WDFY3: variants seen among roughly 807,000 people sequenced by gnomAD.
WDFY3 encodes WD repeat and FYVE domain containing 3.
WDFY3 carries 66 observed loss-of-function variants against 409.6 expected under a neutral mutation model. The ratio of observed to expected loss-of-function variants is 0.16; its 90% CI spans 0.13 to 0.20. The LOEUF (loss-of-function observed/expected upper bound fraction) is 0.20. Ranked by LOEUF, WDFY3 falls within the 10% of genes least tolerant of loss-of-function variation. The probability of loss-of-function intolerance (pLI) is 1.00; values close to 1 mark genes in which losing one functional copy is unlikely to be tolerated. For missense variants in WDFY3, 3,031 were observed against 4,298.1 expected (o/e 0.71, Z 8.24); for synonymous variants, 1,521 against 1,537.1 (o/e 0.99, Z 0.25).
intron 2 of WDFY3, among the ~76,000 whole-genome samples, chr4:84,907,577 G>A (rs182023530): frequency 3.3e-4 from 51 of 152,282 alleles, no homozygotes; most frequent in African/African-American, 1.2e-3. Context: ...ACAACCTTAT[G>A]AGAAATCCTA....
At chr4:84,893,744 TG>T (rs1765232843) in intron 3 of WDFY3, among the ~76,000 whole-genome samples, 3 of 152,160 alleles carry the variant, frequency 2.0e-5, no homozygotes, top group Non-Finnish European at 4.4e-5. Flanking sequence ...TCCAAAACTT[TG>T]GGAGGCTGAG....
intron 36 of WDFY3, 153 bp downstream of exon 36, chr4:84,751,330 G>A (rs1740480132): frequency 2.7e-6 from 2 of 738,442 alleles, no homozygotes; most frequent in South Asian, 1.8e-5. Context: ...TAAAGCACAT[G>A]TGGGATTAAG....
chr4:84,724,391 A>G (rs777796482), intron 46 of WDFY3, 35 bp downstream of exon 46: 8 of 1,567,986 alleles, frequency 5.1e-6, no homozygotes, highest in Non-Finnish European at 6.9e-6. Context: ...ATGTTCCAAA[A>G]TCACTTTTAA....
rs139758320 is a variant in WDFY3 at position 84,737,251 on chromosome 4, G to C, written c.6690C>G (p.His2230Gln). 6.2e-7 allele frequency: 1 copy of C among 1,613,944 alleles called. No homozygotes were observed. Among genetic ancestry groups the C allele is most frequent in the African/African-American group, 1.3e-5 (1 of 74,886 alleles). Residue 2230 changes from histidine to glutamine, a missense_variant, in exon 41 of 68, where the codon CAC becomes CAG. By Grantham distance (24) the His-to-Gln change is conservative. Coordinates refer to ENST00000295888, the MANE Select transcript of WDFY3 (RefSeq NM_014991.6). ...GTGGCCTTGCTGTAGCTATGTCCAC[G>C]TGGCCCCTTTCATTCACAGGTAGAG... ...KVTLPVNERG[H>Q]VDIATARPLI...
chr4:84,793,197 G>T (rs1022702011), intron 21 of WDFY3, among the ~76,000 whole-genome samples: 1 of 152,138 alleles, frequency 6.6e-6, no homozygotes, highest in Non-Finnish European at 1.5e-5. Context: ...GTTTTTGTTT[G>T]AAACTGGGTG....
chr4:84,746,672 G>C (rs1326240587), intron 36 of WDFY3, among the ~76,000 whole-genome samples: 1 of 151,404 alleles, frequency 6.6e-6, no homozygotes, highest in African/African-American at 2.4e-5. Context: ...AACTTTTCAA[G>C]GACTTAACAT....
chr4:84,739,071 C>T lies in WDFY3; in HGVS notation c.6513G>A (p.Trp2171Ter). Residue 2171 changes from tryptophan (W) to a stop codon, truncating the protein, a stop_gained, in exon 40 of 68, where the codon TGG (tryptophan) becomes TGA (stop). Coordinates refer to ENST00000295888, the MANE Select transcript of WDFY3 (RefSeq NM_014991.6). LOFTEE classifies it high-confidence loss of function. The part of the protein sequence containing the change: ...GLEAEARMTT[W>*]HIMIPSDIEP... ...CAATGTCCGAGGGGATCATAATGTG[C>T]CATGTGGTCATGCGGGCTTCTGCTT... 6.2e-7 allele frequency: 1 copy of T among 1,614,130 alleles called. No individual in the cohort carries two copies. Among genetic ancestry groups the T allele is most frequent in the Non-Finnish European group, 8.5e-7 (1 of 1,179,978 alleles).
chr4:84,847,773 CA>C (rs1202619194), intron 5 of WDFY3, among the ~76,000 whole-genome samples: 133 of 31,590 alleles, frequency 4.2e-3, no homozygotes, highest in South Asian at 0.033. Flanking sequence ...GACTCCGTCC[CA>C]AAAAAAAAAA....
intron 1 of WDFY3, among the ~76,000 whole-genome samples, chr4:84,940,367 T>C (rs1374556757): frequency 6.6e-5 from 10 of 152,128 alleles, no homozygotes; most frequent in African/African-American, 2.4e-4. Context: ...TTAAAATACA[T>C]TCAGGTTCAT....
At chr4:84,909,674 A>G (rs1248634593) in intron 2 of WDFY3, among the ~76,000 whole-genome samples, 15 of 152,080 alleles carry the variant, frequency 9.9e-5, no homozygotes, top group Non-Finnish European at 7.4e-5. Flanking sequence ...ATTTTCAGTA[A>G]GTAGATAGCT....
At chr4:84,841,384 A>G (rs924455533) in intron 5 of WDFY3, 121 bp from the exon 6 acceptor site, 2 of 756,516 alleles carry the variant, frequency 2.6e-6, no homozygotes, top group Admixed American at 6.6e-5. Context: ...GCACTATTAC[A>G]TATAGAAAAA....
intron 65 of WDFY3, 27 bp from the exon 66 acceptor site, chr4:84,678,306 C>G: frequency 6.4e-7 from 1 of 1,555,576 alleles, no homozygotes; most frequent in Non-Finnish European, 8.9e-7. Flanking sequence ...GAGGACACAA[C>G]ATAACTCAAC....
intron 58 of WDFY3, among the ~76,000 whole-genome samples, chr4:84,694,529 A>C (rs1729788528): frequency 6.6e-6 from 1 of 152,244 alleles, no homozygotes; most frequent in Non-Finnish European, 1.5e-5. Context: ...AGGGTATGAA[A>C]GATGGCTCCA....
At chr4:84,710,783 TTTAAGA>T (rs1160115915) in intron 51 of WDFY3, among the ~76,000 whole-genome samples, 2 of 152,160 alleles carry the variant, frequency 1.3e-5, no homozygotes, top group South Asian at 2.1e-4. Context: ...AAATAGCAAG[TTTAAGA>T]TTATCTAGGA....
intron 4 of WDFY3, among the ~76,000 whole-genome samples, chr4:84,856,625 GA>G (rs1328769962): frequency 1.3e-5 from 2 of 152,100 alleles, no homozygotes; most frequent in Non-Finnish European, 2.9e-5. Flanking sequence ...CCCAGCATGA[GA>G]CCTGGCCCAG....
intron 17 of WDFY3, among the ~76,000 whole-genome samples, chr4:84,800,563 T>A (rs1750335854): frequency 6.6e-6 from 1 of 152,148 alleles, no homozygotes; most frequent in African/African-American, 2.4e-5. Context: ...TCAAGAGCAA[T>A]ATGATTAGTG....
chr4:84,757,302 C>T (rs1329127227), intron 32 of WDFY3, 141 bp from the exon 33 acceptor site: 4 of 734,306 alleles, frequency 5.4e-6, no homozygotes, highest in African/African-American at 3.5e-5. Context: ...AAGTATTCAA[C>T]TGTTGAATTA....
Position 84,860,467 on chromosome 4 carries a change from A to G in WDFY3, c.125T>C (p.Met42Thr), listed in dbSNP as rs201988338. 6.2e-7 allele frequency: 1 copy of G among 1,614,078 alleles called. No homozygotes were observed. Among genetic ancestry groups the G allele is most frequent in the African/African-American group, 1.3e-5 (1 of 75,036 alleles). The change falls in exon 4 of 68, where the codon ATG becomes ACG. Residue 42 changes from methionine to threonine, a missense_variant. Coordinates refer to ENST00000295888, the MANE Select transcript of WDFY3 (RefSeq NM_014991.6). ...FTELCHPPRH[M>T]TQKEQEEKLY... ...TTTCTCTTCTTGTTCCTTCTGAGTC[A>G]TGTGCCGGGGAGGATGGCACAACTC...
At chr4:84,739,492 T>G (rs17376946) in intron 39 of WDFY3, among the ~76,000 whole-genome samples, 5,426 of 152,308 alleles carry the variant, frequency 0.036, 96 homozygotes, top group South Asian at 0.05. Context: ...AGTGAAGTAG[T>G]TGCAGTTCCC....
Sources: gnomAD v4.1 joint callset for allele counts (sites outside exome capture counted in the v4.1 genomes callset) on GRCh38, gnomAD v4.1.1 for gene constraint, MANE v1.5 for transcripts, NCBI Gene and HGNC (gene_info 2026-07-23, HGNC 2026-07-21) for gene names.